Variants in MAP3K1 observed in about 807,000 individuals in gnomAD.
MAP3K1 encodes the protein MAP/ERK kinase kinase 1.
A neutral mutation model predicts 144.2 loss-of-function variants in MAP3K1; 36 were observed. The ratio of observed to expected loss-of-function variants is 0.25; its 90% CI spans 0.19 to 0.33. The LOEUF (loss-of-function observed/expected upper bound fraction) is 0.33. Among genes scored for constraint, MAP3K1 ranks in the 10% least tolerant of loss-of-function variants. The probability of loss-of-function intolerance (pLI) is 1.00; values close to 1 mark genes in which losing one functional copy is unlikely to be tolerated. For missense variants in MAP3K1, 1,650 were observed against 1,881.9 expected, an observed-to-expected ratio of 0.88 and a Z score of 2.28; for synonymous variants, 718 against 688.7, an observed-to-expected ratio of 1.04 and a Z score of -0.67.
intron 19 of MAP3K1, 45 bp from the exon 20 acceptor site, chr5:56,893,486 A>G: frequency 6.3e-7 from 1 of 1,592,058 alleles, no homozygotes; most frequent in Non-Finnish European, 8.6e-7. Context: ...TCTGTATCAG[A>G]AGTTACAGTT....
In MAP3K1 at chr5:56,865,409, G is replaced by C. The variant is rs780365440; in HGVS notation, c.1105G>C (p.Glu369Gln). 2 of 1,610,136 alleles carry C rather than the reference G, an allele frequency of 1.2e-6. No homozygotes were observed. The highest frequency in any genetic ancestry group is 1.1e-5 in the South Asian group (1 of 90,984). The part of the protein sequence containing the change: ...LFVMLRVFQL[E>Q]PSDPMLWRKT... The stretch of plus-strand genomic sequence containing the variant: ...TGTGATGCTCCGGGTGTTTCAACTA[G>C]AACCTTCAGACCCAATGTTATGGAG... The change falls in exon 5 of 20, where the codon GAA becomes CAA. Residue 369 changes from glutamate to glutamine, a missense_variant. Physicochemically the swap from Glu to Gln is conservative, Grantham distance 29. Coordinates refer to ENST00000399503, the MANE Select transcript of MAP3K1 (RefSeq NM_005921.2).
intron 1 of MAP3K1, among the ~76,000 whole-genome samples, chr5:56,830,393 C>A (rs1431157669): frequency 6.6e-6 from 1 of 152,116 alleles, no homozygotes. Context: ...TACTTTCCCT[C>A]TCTCTTTCTT....
intron 1 of MAP3K1, chr5:56,842,223 G>A (rs1746835561): frequency 6.6e-6 from 1 of 152,064 alleles, no homozygotes; most frequent in Admixed American, 6.5e-5. Flanking sequence ...TCTGAAACCA[G>A]AAAAAAAGTT....
intron 1 of MAP3K1, 122 bp downstream of exon 1, chr5:56,816,177 C>A (rs906588916): frequency 1.1e-4 from 108 of 1,019,710 alleles, no homozygotes; most frequent in Non-Finnish European, 1.3e-4. Flanking sequence ...CGCCGCTCGC[C>A]GGGACCTACG....
At chr5:56,856,336 T>G (rs764883596) in intron 1 of MAP3K1, among the ~76,000 whole-genome samples, 1 of 152,180 alleles carries the variant, frequency 6.6e-6, no homozygotes, top group Non-Finnish European at 1.5e-5. Flanking sequence ...AATGCAGTCT[T>G]AGTGAATATA....
At position 56,815,949 on chromosome 5, in the gene MAP3K1, G is replaced by T; in HGVS notation, c.376G>T (p.Glu126Ter). ...GAGCCGCGGCGGCGCCCACCTTACC[G>T]AGTCGGTGGCGGCGCCGGACAGCGG... ...AASRGGAHLT[E>*]SVAAPDSGAS... The change falls in exon 1 of 20, where the codon GAG (glutamate) becomes TAG (stop). Residue 126 changes from glutamate (E) to a stop codon, truncating the protein, a stop_gained. Coordinates refer to ENST00000399503, the MANE Select transcript of MAP3K1 (RefSeq NM_005921.2). LOFTEE classifies it high-confidence loss of function. 1 of 1,260,802 alleles carries T rather than the reference G, an allele frequency of 7.9e-7. No individual in the cohort carries two copies. Among genetic ancestry groups the T allele is most frequent in the South Asian group, 2.9e-5 (1 of 35,070 alleles). 78.1% of individuals were successfully genotyped at this position (1,260,802 alleles called of 1,614,324 possible).
chr5:56,830,969 T>A (rs1269544315), intron 1 of MAP3K1, among the ~76,000 whole-genome samples: 1 of 151,930 alleles, frequency 6.6e-6, no homozygotes, highest in African/African-American at 2.4e-5. Context: ...AAAGCATTGG[T>A]AACAGCACGT....
At chr5:56,871,404 T>C (rs1200139200) in intron 6 of MAP3K1, among the ~76,000 whole-genome samples, 2 of 152,202 alleles carry the variant, frequency 1.3e-5, no homozygotes, top group African/African-American at 4.8e-5. Flanking sequence ...GGTGAAAGAT[T>C]GTGTACACTT....
rs1281708483 is a variant in MAP3K1, at chr5:56,872,015, C to T, written c.1407C>T (p.His469=). ...CEDGCRNKLH[H]HCMSIWAEEC... is the part of the protein sequence containing the mutation. ...ACGGCTGCAGGAACAAGCTGCACCACCACTGCATGTCAATTTGTATGTGGC... is the reference window on the plus strand; with the variant it reads ...ACGGCTGCAGGAACAAGCTGCACCATCACTGCATGTCAATTTGTATGTGGC... Residue 469 remains histidine, a synonymous_variant, in exon 7 of 20, where the codon CAC becomes CAT. Coordinates refer to ENST00000399503, the MANE Select transcript of MAP3K1 (RefSeq NM_005921.2). 1.2e-6 allele frequency: 2 copies of T among 1,613,848 alleles called. No individual in the cohort carries two copies. The highest frequency in any genetic ancestry group is 8.5e-7 in the Non-Finnish European group (1 of 1,179,920).
At chr5:56,822,055 C>T (rs1433752313) in intron 1 of MAP3K1, among the ~76,000 whole-genome samples, 2 of 151,756 alleles carry the variant, frequency 1.3e-5, no homozygotes, top group Non-Finnish European at 2.9e-5. Flanking sequence ...GAGTCTTGCT[C>T]TGTTGCCCAG....
intron 2 of MAP3K1, among the ~76,000 whole-genome samples, chr5:56,859,184 AT>A (rs1434750540): frequency 8.6e-6 from 1 of 116,182 alleles, no homozygotes; most frequent in African/African-American, 3.2e-5. Context: ...TTATTGTAAT[AT>A]AACATTGTAA....
chr5:56,866,435 C>A (rs907936739), intron 6 of MAP3K1, among the ~76,000 whole-genome samples: 6 of 151,462 alleles, frequency 4.0e-5, no homozygotes, highest in Non-Finnish European at 5.9e-5. Context: ...GTATGTATGT[C>A]TGTATGTATG....
At chr5:56,846,066 A>G (rs1490041763) in intron 1 of MAP3K1, among the ~76,000 whole-genome samples, 1 of 152,238 alleles carries the variant, frequency 6.6e-6, no homozygotes, top group East Asian at 1.9e-4. Flanking sequence ...AAATATTCCT[A>G]AGACAGACAG....
At chr5:56,850,480 C>A (rs530302345) in intron 1 of MAP3K1, among the ~76,000 whole-genome samples, 1 of 152,310 alleles carries the variant, frequency 6.6e-6, no homozygotes, top group South Asian at 2.1e-4. Context: ...TAATATGCTT[C>A]TTTAATTATT....
chr5:56,885,970 T>C lies in MAP3K1; in HGVS notation c.4021T>C (p.Phe1341Leu). 1 of 1,612,894 alleles carries C rather than the reference T, an allele frequency of 6.2e-7. No homozygotes were observed. Reference protein sequence around the residue: ...VAHLLSKYGAFKESVVINYTE... With the variant: ...VAHLLSKYGALKESVVINYTE... ...TCATTTGCTGAGTAAATATGGAGCC[T>C]TCAAAGAATCAGTAGTTATTAACTA... is the stretch of plus-strand genomic sequence containing the variant. Residue 1341 changes from phenylalanine to leucine, a missense_variant, in exon 17 of 20, where the codon TTC becomes CTC. Phe to Leu is a conservative substitution (Grantham distance 22). Around this residue, in one of 6 missense-constraint regions of MAP3K1, gnomAD observed 165 missense variants for 322.9 expected, o/e 0.51. Coordinates refer to ENST00000399503, the MANE Select transcript of MAP3K1 (RefSeq NM_005921.2).
chr5:56,865,789 T>C (rs1410629950), intron 5 of MAP3K1, 40 bp from the exon 6 acceptor site: 2 of 1,604,002 alleles, frequency 1.2e-6, no homozygotes, highest in South Asian at 1.1e-5. Context: ...TGTATAATTA[T>C]GGCACAAATA....
chr5:56,848,135 A>C (rs1046239755), intron 1 of MAP3K1, among the ~76,000 whole-genome samples: 22 of 150,994 alleles, frequency 1.5e-4, no homozygotes, highest in African/African-American at 5.1e-4. Flanking sequence ...TGCCACTTTT[A>C]AGAATGATTT....
At chr5:56,867,761 A>C (rs906470507) in intron 6 of MAP3K1, among the ~76,000 whole-genome samples, 5 of 152,186 alleles carry the variant, frequency 3.3e-5, no homozygotes, top group African/African-American at 1.2e-4. Context: ...TTCTTAAGTA[A>C]AAGTTTAATC....
rs1294669664 is a variant in MAP3K1 at position 56,882,587 on chromosome 5, C to T, written c.3387C>T (p.Asn1129=). The T allele has an allele frequency of 1.2e-6, 2 of 1,614,148 alleles. No homozygotes were observed. Among genetic ancestry groups the T allele is most frequent in the Non-Finnish European group, 1.7e-6 (2 of 1,180,006 alleles). The part of the protein sequence containing the change: ...KCRLDVNTEL[N]SSIEDLLEAS... ...GATTAGATGTCAATACAGAGCTCAACTCCAGTATTGAGGACCTTCTTGAAG... is the reference window on the plus strand; with the variant it reads ...GATTAGATGTCAATACAGAGCTCAATTCCAGTATTGAGGACCTTCTTGAAG... Residue 1129 remains asparagine (N), a synonymous_variant, in exon 14 of 20, where the codon AAC becomes AAT. Transcript: ENST00000399503.
Sources: allele counts gnomAD v4.1 joint callset (sites outside exome capture counted in the v4.1 genomes callset), GRCh38; gene constraint gnomAD v4.1.1; regional missense constraint gnomAD v4.1.1; transcripts MANE v1.5; gene names NCBI Gene and HGNC (gene_info 2026-07-23, HGNC 2026-07-21).